Variants in GOLGA1 observed in about 807,000 individuals in gnomAD.
GOLGA1 encodes the protein golgin A1.
Under a neutral mutation model 119.7 loss-of-function variants are expected in GOLGA1, and 63 were observed. The observed-to-expected ratio is 0.53, with a 90% CI of 0.43 to 0.65. GOLGA1 has a LOEUF of 0.65. Ranked by LOEUF, GOLGA1 falls within the 30% of genes least tolerant of loss-of-function variation. The pLI, the probability that GOLGA1 is intolerant of heterozygous loss-of-function variation, is 0.00. For missense variants in GOLGA1, 798 were observed against 912.8 expected (o/e 0.87, Z 1.62); for synonymous variants, 318 against 333.4 (o/e 0.95, Z 0.50).
Position 124,935,615 on chromosome 9 carries a change from G to A in GOLGA1, c.135+2962C>T, listed in dbSNP as rs115160491. On this transcript the variant is annotated intron_variant, in intron 3 of 22. Transcript: ENST00000373555. ...AGTTCAAGACCAGACTGGGCACACG[G>A]TGAAACCTCATCTCTACTAAAAATA... Among the ~76,000 whole-genome samples the A allele has an allele frequency of 1.0e-2, 1,514 of 152,094 alleles. 24 individuals carry two copies. The highest frequency in any genetic ancestry group is 0.033 in the African/African-American group (1,385 of 41,482).
At position 124,888,471 on chromosome 9, in the gene GOLGA1, G is replaced by A; in HGVS notation, c.1762-75C>T. Reference sequence around the variant, plus strand: ...TGAGCCACAGGTACACAGGGAAGGGGAGCTAGACTCGTCCCTTAGGTATGG... The same window carrying A: ...TGAGCCACAGGTACACAGGGAAGGGAAGCTAGACTCGTCCCTTAGGTATGG... On this transcript the variant is annotated intron_variant, in intron 18 of 22. Coordinates refer to ENST00000373555, the MANE Select transcript of GOLGA1 (RefSeq NM_002077.4). This position sits in a 1 kb window ranked among gnomAD's most constrained non-coding sequence, Gnocchi z 4.4. The A allele has an allele frequency of 1.5e-6, 2 of 1,353,482 alleles. No homozygotes were observed. Among genetic ancestry groups the A allele is most frequent in the East Asian group, 4.6e-5 (2 of 43,548 alleles). 83.8% of individuals were successfully genotyped at this position (1,353,482 alleles called of 1,614,324 possible). A position where few individuals can be genotyped will look rare whatever the true frequency, so the allele number is the denominator to read the frequency against.
rs1381963404 is a variant in GOLGA1 at position 124,917,857 on chromosome 9, A to AT, written c.843+3271dup. On this transcript the variant is annotated intron_variant, in intron 10 of 22. Coordinates refer to ENST00000373555, the MANE Select transcript of GOLGA1 (RefSeq NM_002077.4). ...ACTGGATCTGATCTGATATATATAT[A>AT]TATTTTTTTTTTGAGACGGAGTTTC... is the stretch of plus-strand genomic sequence containing the variant. 1.3e-4 allele frequency among the ~76,000 whole-genome samples: 19 copies of AT among 151,628 alleles called. No homozygotes were observed. The East Asian group carries it at 1.4e-3, about 11-fold the overall frequency.
chr9:124,880,581 G>A lies in GOLGA1; in HGVS notation c.2253C>T (p.Pro751=), dbSNP rs769862130. ...KMSWFGSKPA[P]KGSIRPSISN... ...AGATAGACGGCCGGATGCTGCCCTT[G>A]GGAGCTGGTTTGGACCCAAACCATG... The change falls in exon 23 of 23, where the codon CCC becomes CCT. Residue 751 remains proline, a synonymous_variant. Transcript: ENST00000373555. The A allele has an allele frequency of 4.3e-6, 7 of 1,611,062 alleles. No individual in the cohort carries two copies. In the South Asian group the frequency reaches 7.7e-5, roughly 18 times the overall value.
Position 124,889,126 on chromosome 9 carries a change from G to A in GOLGA1, c.1761+17C>T. ...GCATCTTGCTGTAGCACCCATGCAGGTGCAGCTGGGACTTACGTGCGACTC... is the reference window on the plus strand; with the variant it reads ...GCATCTTGCTGTAGCACCCATGCAGATGCAGCTGGGACTTACGTGCGACTC... On this transcript the variant is annotated intron_variant, in intron 18 of 22. Transcript: ENST00000373555. 6.3e-7 allele frequency: 1 copy of A among 1,592,914 alleles called. No homozygotes were observed. Among genetic ancestry groups the A allele is most frequent in the Non-Finnish European group, 8.6e-7 (1 of 1,167,060 alleles).
chr9:124,919,460 A>C (rs1830518510), intron 10 of GOLGA1, among the ~76,000 whole-genome samples: 1 of 152,160 alleles, frequency 6.6e-6, no homozygotes, highest in Admixed American at 6.6e-5. Context: ...ATTCACGTAT[A>C]TATTTACTGG....
intron 12 of GOLGA1, among the ~76,000 whole-genome samples, chr9:124,904,601 G>A (rs1308849577): frequency 6.6e-6 from 1 of 152,154 alleles, no homozygotes; most frequent in Non-Finnish European, 1.5e-5. Context: ...TTGAGGTCAG[G>A]AGTTTGAGAC....
intron 2 of GOLGA1, among the ~76,000 whole-genome samples, chr9:124,939,538 T>TTTCCTTTC (rs1830952939): frequency 1.2e-5 from 1 of 86,738 alleles, no homozygotes; most frequent in African/African-American, 6.2e-5. Flanking sequence ...AATGAGTTTA[T>TTTCCTTTC]TTTCTTTCTT....
At chr9:124,934,827 G>A (rs1379235105) in intron 3 of GOLGA1, among the ~76,000 whole-genome samples, 1 of 152,152 alleles carries the variant, frequency 6.6e-6, no homozygotes, top group Non-Finnish European at 1.5e-5. Flanking sequence ...TGGGCAGATC[G>A]TTTGAGCCCA....
intron 10 of GOLGA1, among the ~76,000 whole-genome samples, chr9:124,915,623 G>A (rs1226207747): frequency 2.6e-5 from 4 of 152,192 alleles, no homozygotes; most frequent in African/African-American, 9.6e-5. Flanking sequence ...GCCGAGGCAG[G>A]AGGCTTGCTT....
Position 124,946,741 on chromosome 9 carries a change from G to A in GOLGA1, c.-156+1177C>T, listed in dbSNP as rs1404507277. The A allele has an allele frequency of 6.6e-6, 1 of 152,142 alleles. No homozygotes were observed. The highest frequency in any genetic ancestry group is 1.5e-5 in the Non-Finnish European group (1 of 68,024). 9.4% of individuals were successfully genotyped at this position (152,142 alleles called of 1,614,324 possible). ...GGCCCAGATTTTTATAGCACACCAT[G>A]CATCTAATATTAAAAACTCTACTTC... On this transcript the variant is annotated intron_variant, in intron 1 of 4. Transcript: ENST00000421514. This position sits in a 1 kb window ranked among gnomAD's most constrained non-coding sequence, Gnocchi z 4.0.
intron 10 of GOLGA1, among the ~76,000 whole-genome samples, chr9:124,912,826 G>C (rs1356129169): frequency 6.6e-6 from 1 of 152,030 alleles, no homozygotes; most frequent in Admixed American, 6.5e-5. Flanking sequence ...ACAGGCGTAA[G>C]CCACTGTGCC....
Position 124,900,502 on chromosome 9 carries a change from G to T in GOLGA1, c.1111C>A (p.Gln371Lys). ...GCAGCCACAATGCCCTTGCTCTGTT[G>T]GAGCTGCTCCTCAGAGGCCTGCAAG... Reference protein sequence around the residue: ...QTLQASEEQLQQSKGIVAAQE... With the variant: ...QTLQASEEQLKQSKGIVAAQE... The change falls in exon 13 of 23, where the codon CAA becomes AAA. Residue 371 changes from glutamine (Q) to lysine (K), a missense_variant. By Grantham distance (53) the Gln-to-Lys change is moderately conservative. Transcript: ENST00000373555. 1.2e-6 allele frequency: 2 copies of T among 1,604,478 alleles called. No homozygotes were observed. The highest frequency in any genetic ancestry group is 1.7e-6 in the Non-Finnish European group (2 of 1,171,266).
At chr9:124,894,309 C>T (rs554961008) in intron 15 of GOLGA1, among the ~76,000 whole-genome samples, 1 of 152,256 alleles carries the variant, frequency 6.6e-6, no homozygotes, top group East Asian at 1.9e-4. Context: ...TCTATCTGCA[C>T]TCATTGATAG....
upstream of GOLGA1, chr9:124,943,910 A>G (rs1261678976): frequency 1.3e-5 from 2 of 152,236 alleles, no homozygotes; most frequent in Admixed American, 6.5e-5. Flanking sequence ...CATCTGATTC[A>G]ATGATTAATG....
intron 15 of GOLGA1, among the ~76,000 whole-genome samples, chr9:124,894,807 C>T (rs2131391190): frequency 6.6e-6 from 1 of 152,340 alleles, no homozygotes; most frequent in Middle Eastern, 3.4e-3. Context: ...CTACTGACAT[C>T]TAGTGGGTAG....
rs763359808 is a variant in GOLGA1, at chr9:124,921,125, T to C, written c.843+4A>G. 1.3e-6 allele frequency: 2 copies of C among 1,534,870 alleles called. No homozygotes were observed. Among genetic ancestry groups the C allele is most frequent in the Admixed American group, 1.7e-5 (1 of 59,862 alleles). On this transcript the variant is annotated splice_donor_region_variant and intron_variant, in intron 10 of 22. Transcript: ENST00000373555. ...TCCAGGTCTTCTCCTCATATTCTAC[T>C]TACCTTTTGCAAATCAATGGAAAGC...
chr9:124,944,712 T>C (rs1159749409), upstream of GOLGA1: 1 of 152,112 alleles, frequency 6.6e-6, no homozygotes, highest in Non-Finnish European at 1.5e-5. Flanking sequence ...CCTCTATGGT[T>C]TGGAAGTATT....
At chr9:124,939,550 C>CTTTTTTTTTTT (rs3051147) in intron 2 of GOLGA1, among the ~76,000 whole-genome samples, 2 of 81,842 alleles carry the variant, frequency 2.4e-5, no homozygotes, top group African/African-American at 4.8e-5. Context: ...TTCTTTCTTT[C>CTTTTTTTTTTT]TTTTTTTTTT....
intron 13 of GOLGA1, 130 bp downstream of exon 13, chr9:124,900,322 G>A (rs1197185539): frequency 5.1e-6 from 3 of 592,406 alleles, no homozygotes; most frequent in African/African-American, 3.8e-5. Flanking sequence ...CTCACATCCA[G>A]CACAAGAACT....
Sources: allele counts gnomAD v4.1 joint callset (sites outside exome capture counted in the v4.1 genomes callset), GRCh38; gene constraint gnomAD v4.1.1; non-coding constraint Gnocchi (gnomAD v3.1); transcripts MANE v1.5; gene names NCBI Gene and HGNC (gene_info 2026-07-23, HGNC 2026-07-21).